The following RAD54L2 variants were observed in gnomAD, a reference collection of about 807,000 sequenced individuals.
RAD54L2 encodes helicase ARIP4.
Under a neutral mutation model 138.4 loss-of-function variants are expected in RAD54L2, and 27 were observed. The observed-to-expected ratio is 0.20, with a 90% CI of 0.14 to 0.27. RAD54L2 has a LOEUF of 0.27. Among genes scored for constraint, RAD54L2 ranks in the 10% least tolerant of loss-of-function variants. The probability of loss-of-function intolerance (pLI) is 1.00; values close to 1 mark genes in which losing one functional copy is unlikely to be tolerated. For missense variants in RAD54L2, 1,396 were observed against 1,890.2 expected, an observed-to-expected ratio of 0.74 and a Z score of 4.85; for synonymous variants, 644 against 723.2, an observed-to-expected ratio of 0.89 and a Z score of 1.76.
chr3:51,610,639 C>CAAAAAAAAAAAA (rs538225499), intron 3 of RAD54L2, among the ~76,000 whole-genome samples: 1 of 59,092 alleles, frequency 1.7e-5, no homozygotes, highest in African/African-American at 6.1e-5. Flanking sequence ...GACTCCATCT[C>CAAAAAAAAAAAA]AAAAAAAAAA....
Position 51,633,705 on chromosome 3 carries a change from C to T in RAD54L2, c.954C>T (p.Phe318=). The change falls in exon 8 of 23, where the codon TTC becomes TTT. Residue 318 remains phenylalanine, a synonymous_variant. Transcript: ENST00000684192. ...GLGKTLQVIS[F]IDVLFRHTPA... is the part of the protein sequence containing the mutation. ...GGAAAACTTTGCAAGTGATCTCTTT[C>T]ATCGACGTCCTCTTCCGCCACACGC... is the stretch of plus-strand genomic sequence containing the variant. The T allele has an allele frequency of 6.2e-7, 1 of 1,613,984 alleles. No homozygotes were observed. Among genetic ancestry groups the T allele is most frequent in the South Asian group, 1.1e-5 (1 of 91,074 alleles).
intron 2 of RAD54L2, among the ~76,000 whole-genome samples, chr3:51,588,926 G>T (rs778341356): frequency 1.7e-4 from 26 of 152,036 alleles, no homozygotes; most frequent in Non-Finnish European, 3.4e-4. Flanking sequence ...TGTCTTTACG[G>T]CTTCCTTCCT....
intron 2 of RAD54L2, among the ~76,000 whole-genome samples, chr3:51,550,009 G>A (rs1698798244): frequency 1.3e-5 from 2 of 152,132 alleles, no homozygotes; most frequent in African/African-American, 2.4e-5. Context: ...TTTGTGCCCT[G>A]CCGGCTATGC....
intron 21 of RAD54L2, among the ~76,000 whole-genome samples, chr3:51,657,993 C>T (rs1274989105): frequency 7.6e-6 from 1 of 132,330 alleles, no homozygotes; most frequent in Non-Finnish European, 1.5e-5. Flanking sequence ...TGCGTGATCT[C>T]GGCTCACTGC....
intron 2 of RAD54L2, among the ~76,000 whole-genome samples, chr3:51,574,047 C>G (rs1211769497): frequency 7.0e-6 from 1 of 143,808 alleles, no homozygotes; most frequent in African/African-American, 2.6e-5. Flanking sequence ...ACCCTGTGTC[C>G]AAGTGTTCTC....
intron 2 of RAD54L2, among the ~76,000 whole-genome samples, chr3:51,584,632 A>C (rs1368246584): frequency 6.9e-6 from 1 of 144,242 alleles, no homozygotes; most frequent in African/African-American, 2.6e-5. Context: ...CTACAGTACT[A>C]TATATATATA....
chr3:51,577,759 C>T lies in RAD54L2; in HGVS notation c.-54-12608C>T, dbSNP rs957231165. ...TGTGTCTCTGCTTTGGCTCACACTC[C>T]GTGGGCTCCACCCAGTGTCCGACAA... On this transcript the variant is annotated intron_variant, in intron 2 of 22. Transcript: ENST00000684192. 9.5e-4 allele frequency among the ~76,000 whole-genome samples: 144 copies of T among 152,184 alleles called. 3 individuals are homozygous for T. The highest frequency in any genetic ancestry group is 2.8e-4 in the Non-Finnish European group (19 of 68,022).
At chr3:51,558,908 C>T (rs1458677384) in intron 2 of RAD54L2, among the ~76,000 whole-genome samples, 1 of 151,836 alleles carries the variant, frequency 6.6e-6, no homozygotes, top group East Asian at 1.9e-4. Flanking sequence ...CGGAGTCTCA[C>T]TCTTGCCCAG....
chr3:51,560,578 C>T (rs962354260), intron 2 of RAD54L2, among the ~76,000 whole-genome samples: 4 of 151,874 alleles, frequency 2.6e-5, no homozygotes, highest in African/African-American at 7.3e-5. Flanking sequence ...AGCCAGGCTG[C>T]GATCTCCTGA....
In RAD54L2 at chr3:51,663,594, CAAAA is replaced by C. The variant is rs34235841; in HGVS notation, c.*195_*198del. ...CTCTGTTGCTGTTTAACAAAAGAGG[CAAAA>C]AAAAAAAAAAAAAAAAAAAAGTCCA... is the stretch of plus-strand genomic sequence containing the variant. On this transcript the variant is annotated 3_prime_UTR_variant, in exon 23 of 23. Transcript: ENST00000684192. 1.0e-2 allele frequency: 544 copies of C among 54,604 alleles called. No homozygotes were observed. The highest frequency in any genetic ancestry group is 0.042 in the Middle Eastern group (5 of 118). The allele number at this position is 54,604 out of a possible 1,614,324, so 3.4% of individuals were successfully genotyped here. A position where few individuals can be genotyped will look rare whatever the true frequency, so the allele number is the denominator to read the frequency against.
At chr3:51,591,541 C>T (rs1453505765) in intron 3 of RAD54L2, among the ~76,000 whole-genome samples, 2 of 152,158 alleles carry the variant, frequency 1.3e-5, no homozygotes, top group African/African-American at 2.4e-5. Flanking sequence ...CTTGGGAATC[C>T]GTTTGCCCTC....
chr3:51,653,418 A>G (rs899644568), intron 19 of RAD54L2, among the ~76,000 whole-genome samples: 2 of 152,236 alleles, frequency 1.3e-5, no homozygotes, highest in Admixed American at 6.5e-5. Context: ...TGACCCAGCC[A>G]TCCCATTACT....
intron 15 of RAD54L2, among the ~76,000 whole-genome samples, chr3:51,643,031 CTTTTTTTTTTTT>C (rs1212581275): frequency 1.8e-5 from 2 of 113,210 alleles, no homozygotes; most frequent in African/African-American, 3.6e-5. Flanking sequence ...TAACTGAAGT[CTTTTTTTTTTTT>C]TTTTTTTTTT....
At chr3:51,549,489 C>G (rs1456456729) in intron 2 of RAD54L2, among the ~76,000 whole-genome samples, 1 of 151,956 alleles carries the variant, frequency 6.6e-6, no homozygotes, top group Non-Finnish European at 1.5e-5. Context: ...AGGCTGGGCG[C>G]GGTGGCTTAT....
chr3:51,626,443 T>TTTTTTTTTTTTTC (rs1700689356), intron 3 of RAD54L2, among the ~76,000 whole-genome samples: 1 of 110,412 alleles, frequency 9.1e-6, no homozygotes, highest in African/African-American at 3.4e-5. Context: ...GATCTTTTTT[T>TTTTTTTTTTTTTC]TTTTTTTTTT....
rs1053867304 is a variant in RAD54L2 at position 51,645,334 on chromosome 3, G to C, written c.2656+105G>C. ...GGATATGGGAACACAGGCAGGCTTC[G>C]AGAAAGCCAGCATTTCCTCCTATCT... On this transcript the variant is annotated intron_variant, in intron 17 of 22. Transcript: ENST00000684192. This position sits in a 1 kb window ranked among gnomAD's most constrained non-coding sequence, Gnocchi z 6.1. 47 of 1,215,802 alleles carry C rather than the reference G, an allele frequency of 3.9e-5. No individual in the cohort carries two copies. The highest frequency in any genetic ancestry group is 2.1e-4 in the African/African-American group (14 of 65,700). 75.3% of individuals were successfully genotyped at this position (1,215,802 alleles called of 1,614,324 possible). A position where few individuals can be genotyped will look rare whatever the true frequency, so the allele number is the denominator to read the frequency against.
At chr3:51,600,436 G>A (rs915212751) in intron 3 of RAD54L2, among the ~76,000 whole-genome samples, 2 of 152,026 alleles carry the variant, frequency 1.3e-5, no homozygotes, top group Non-Finnish European at 2.9e-5. Flanking sequence ...ACAAAATAAT[G>A]AGACTCCATC....
At chr3:51,540,491 C>T (rs531759109) in intron 1 of RAD54L2, among the ~76,000 whole-genome samples, 10 of 152,242 alleles carry the variant, frequency 6.6e-5, no homozygotes, top group African/African-American at 2.2e-4. Flanking sequence ...AGCTGTGGGC[C>T]GGAGCTCTGT....
intron 3 of RAD54L2, among the ~76,000 whole-genome samples, chr3:51,611,776 A>T (rs1371889418): frequency 1.3e-5 from 2 of 151,896 alleles, no homozygotes; most frequent in African/African-American, 4.8e-5. Flanking sequence ...CAGGCTGGTC[A>T]TGAACTCCTG....
Sources: gnomAD v4.1 joint callset for allele counts (sites outside exome capture counted in the v4.1 genomes callset) on GRCh38, gnomAD v4.1.1 for gene constraint, Gnocchi (gnomAD v3.1) non-coding constraint, MANE v1.5 for transcripts, NCBI Gene and HGNC (gene_info 2026-07-23, HGNC 2026-07-21) for gene names.